Variants in ZNF511 observed in about 807,000 individuals in gnomAD.
ZNF511 encodes the protein zinc finger protein 511.
Under a neutral mutation model 24.8 loss-of-function variants are expected in ZNF511, and 26 were observed. The observed-to-expected ratio is 1.05, with a 90% CI of 0.77 to 1.46. The LOEUF (loss-of-function observed/expected upper bound fraction) is 1.46. ZNF511 is among the 40% of genes most tolerant of loss of function. The probability of loss-of-function intolerance (pLI) is 0.00; values close to 1 mark genes in which losing one functional copy is unlikely to be tolerated. For synonymous variants in ZNF511, 144 were observed against 139.6 expected, an observed-to-expected ratio of 1.03 and a Z score of -0.22; for missense variants, 358 against 345.0, an observed-to-expected ratio of 1.04 and a Z score of -0.30.
Position 133,312,040 on chromosome 10 carries a change from T to G in ZNF511, c.680+199T>G, listed in dbSNP as rs949802959. ...ACTTAGTTTCTCTCGCATACTCTGTTTTTGAGCCATTGAAGCGCAGGAATG... is the reference window on the plus strand; with the variant it reads ...ACTTAGTTTCTCTCGCATACTCTGTGTTTGAGCCATTGAAGCGCAGGAATG... On this transcript the variant is annotated intron_variant, in intron 5 of 5. Transcript: ENST00000361518. 5 of 1,504,860 alleles carry G rather than the reference T, an allele frequency of 3.3e-6. No individual in the cohort carries two copies. In the African/African-American group the frequency reaches 6.9e-5, roughly 21 times the overall value. 93.2% of individuals were successfully genotyped at this position (1,504,860 alleles called of 1,614,324 possible).
chr10:133,309,598 C>A, intron 2 of ZNF511, 135 bp downstream of exon 2: 2 of 1,263,582 alleles, frequency 1.6e-6, no homozygotes, highest in Non-Finnish European at 2.2e-6. Flanking sequence ...CCAGCTTTGG[C>A]GTGGCCGACT....
chr10:133,309,753 C>T (rs375506916), intron 2 of ZNF511, 23 bp from the exon 3 acceptor site: 31 of 1,611,640 alleles, frequency 1.9e-5, no homozygotes, highest in Non-Finnish European at 2.6e-5. Flanking sequence ...AGGAAGGGCT[C>T]CTGAAGCACG....
Position 133,313,139 on chromosome 10 carries a change from A to G in ZNF511, c.*273A>G. 1.5e-6 allele frequency: 1 copy of G among 647,994 alleles called. No homozygotes were observed. Among genetic ancestry groups the G allele is most frequent in the Non-Finnish European group, 2.4e-6 (1 of 423,658 alleles). 40.1% of individuals were successfully genotyped at this position (647,994 alleles called of 1,614,324 possible). A position where few individuals can be genotyped will look rare whatever the true frequency, so the allele number is the denominator to read the frequency against. ...ACCCTAAGAATGTATTTTTAAACAC[A>G]TGAAATAAGTATTTTTCACTGATGG... On this transcript the variant is annotated 3_prime_UTR_variant, in exon 6 of 6. Transcript: ENST00000361518.
intron 5 of ZNF511, 177 bp downstream of exon 5, chr10:133,312,018 T>G (rs1353566934): frequency 6.4e-7 from 1 of 1,569,050 alleles, no homozygotes; most frequent in Admixed American, 1.9e-5. Flanking sequence ...GTGAATAACT[T>G]AGTTTCTCTC....
chr10:133,309,527 T>C, intron 2 of ZNF511, 64 bp downstream of exon 2: 1 of 1,538,854 alleles, frequency 6.5e-7, no homozygotes, highest in South Asian at 1.2e-5. Flanking sequence ...CGGTGCCTGG[T>C]CCCTGGGGCT....
rs758401017 is a variant in ZNF511, at chr10:133,309,765, C to T, written c.228-11C>T. 1.9e-6 allele frequency: 3 copies of T among 1,612,486 alleles called. No homozygotes were observed. Among genetic ancestry groups the T allele is most frequent in the Admixed American group, 3.3e-5 (2 of 60,030 alleles). On this transcript the variant is annotated splice_polypyrimidine_tract_variant and intron_variant, in intron 2 of 5. Transcript: ENST00000361518. ...CGGAGGAAGGGCTCCTGAAGCACGT[C>T]TCCTTGGCAGGGTGCCCGCGTTTGC...
Position 133,313,072 on chromosome 10 carries a change from T to G in ZNF511, c.*206T>G. ...TTTGGAAACGACCTGGACACACTAT[T>G]GGGAAGGAGATGTGGACGGCCTGTC... On this transcript the variant is annotated 3_prime_UTR_variant, in exon 6 of 6. Transcript: ENST00000361518. 7.4e-7 allele frequency: 1 copy of G among 1,359,888 alleles called. No individual in the cohort carries two copies. Among genetic ancestry groups the G allele is most frequent in the East Asian group, 2.6e-5 (1 of 38,674 alleles). 84.2% of individuals were successfully genotyped at this position (1,359,888 alleles called of 1,614,324 possible). A position where few individuals can be genotyped will look rare whatever the true frequency, so the allele number is the denominator to read the frequency against.
rs551715566 is a variant in ZNF511, at chr10:133,311,925, T to G, written c.680+84T>G. On this transcript the variant is annotated intron_variant, in intron 5 of 5. Transcript: ENST00000361518. ...CTGGGCTGCACCTGGGCCGCAGCTC[T>G]TCTCATACTGAATTCAGAAAGGTAA... is the stretch of plus-strand genomic sequence containing the variant. 1.6e-5 allele frequency: 26 copies of G among 1,613,154 alleles called. No individual in the cohort carries two copies. The East Asian group carries it at 5.3e-4, about 33-fold the overall frequency.
Position 133,312,990 on chromosome 10 carries a change from G to C in ZNF511, c.*124G>C, listed in dbSNP as rs1848025940. On this transcript the variant is annotated 3_prime_UTR_variant, in exon 6 of 6. Transcript: ENST00000361518. ...GGCCCTCGCCATCCTCCCCATCCTT[G>C]TTCCTCAGCAAATGGCATTAGCAGC... 2.0e-6 allele frequency: 3 copies of C among 1,536,088 alleles called. No individual in the cohort carries two copies. In the Admixed American group the frequency reaches 6.1e-5, roughly 31 times the overall value.
At position 133,309,990 on chromosome 10, in the gene ZNF511, T is replaced by G; in HGVS notation, c.429+13T>G. On this transcript the variant is annotated intron_variant, in intron 3 of 5. Transcript: ENST00000361518. ...GAGGCAGGACATGGTGGGTGACAACTGCACAGCCGCCGAGGCCACCCCCCA... is the reference window on the plus strand; with the variant it reads ...GAGGCAGGACATGGTGGGTGACAACGGCACAGCCGCCGAGGCCACCCCCCA... 1.2e-6 allele frequency: 2 copies of G among 1,612,174 alleles called. No homozygotes were observed. Among genetic ancestry groups the G allele is most frequent in the Non-Finnish European group, 1.7e-6 (2 of 1,179,734 alleles).
At chr10:133,310,501 C>T in intron 4 of ZNF511, 2 of 603,046 alleles carry the variant, frequency 3.3e-6, no homozygotes, top group Non-Finnish European at 5.7e-6. Flanking sequence ...GAGCCCCTGG[C>T]TGCCCAGCTC....
chr10:133,312,000 C>A, intron 5 of ZNF511, 159 bp downstream of exon 5: 1 of 1,598,226 alleles, frequency 6.3e-7, no homozygotes, highest in Non-Finnish European at 8.5e-7. Context: ...CCAGATATCT[C>A]AGGTCCTGTG....
chr10:133,309,062 C>T lies in ZNF511; in HGVS notation c.119C>T (p.Pro40Leu). 1 of 1,293,202 alleles carries T rather than the reference C, an allele frequency of 7.7e-7. No individual in the cohort carries two copies. Among genetic ancestry groups the T allele is most frequent in the South Asian group, 3.0e-5 (1 of 33,602 alleles). The allele number at this position is 1,293,202 out of a possible 1,614,324, so 80.1% of individuals were successfully genotyped here. Reference protein sequence around the residue: ...GAAPFRFVARPVRFPREHQFF... With the variant: ...GAAPFRFVARLVRFPREHQFF... ...GCGCCCTTTCGCTTCGTTGCGCGCC[C>T]CGTGCGCTTCCCGCGGGAGCACCAG... Residue 40 changes from proline (P) to leucine (L), a missense_variant, in exon 1 of 6, where the codon CCC becomes CTC. Pro to Leu is a moderately conservative substitution (Grantham distance 98). Coordinates refer to ENST00000361518, the MANE Select transcript of ZNF511 (RefSeq NM_145806.4).
chr10:133,310,119 G>C (rs1291297290), intron 3 of ZNF511, 45 bp from the exon 4 acceptor site: 1 of 1,612,446 alleles, frequency 6.2e-7, no homozygotes, highest in South Asian at 1.1e-5. Flanking sequence ...ATGGCGGTGG[G>C]GGAGGGCCAG....
intron 5 of ZNF511, 54 bp from the exon 6 acceptor site, chr10:133,312,734 C>T (rs1848018845): frequency 1.2e-6 from 2 of 1,613,396 alleles, no homozygotes; most frequent in South Asian, 2.2e-5. Flanking sequence ...CTGTTATGAC[C>T]TGGGTTGTTG....
chr10:133,310,094 C>G lies in ZNF511; in HGVS notation c.430-70C>G, dbSNP rs1020483164. 36 of 1,611,142 alleles carry G rather than the reference C, an allele frequency of 2.2e-5. No homozygotes were observed. In the African/African-American group the frequency reaches 4.1e-4, roughly 19 times the overall value. On this transcript the variant is annotated intron_variant, in intron 3 of 5. Coordinates refer to ENST00000361518, the MANE Select transcript of ZNF511 (RefSeq NM_145806.4). ...GGGGACACCTTTCCGCCCTTGGCAG[C>G]TCTGCTACGGGGGCATGGCGGTGGG...
rs181536358 is a variant in ZNF511, at chr10:133,311,511, T to A, written c.555-205T>A. On this transcript the variant is annotated intron_variant, in intron 4 of 5. Transcript: ENST00000361518. ...ACAGTTAAGTTTATAAGATGCAGAC[T>A]CTATTATATAAACAATGGCCTTGCT... The A allele has an allele frequency of 9.4e-6, 5 of 534,436 alleles. No individual in the cohort carries two copies. In the Admixed American group the frequency reaches 1.8e-4, roughly 19 times the overall value. 33.1% of individuals were successfully genotyped at this position (534,436 alleles called of 1,614,324 possible).
rs368439360 is a variant in ZNF511, at chr10:133,309,377, A to G, written c.154-13A>G. On this transcript the variant is annotated splice_polypyrimidine_tract_variant and intron_variant, in intron 1 of 5. Coordinates refer to ENST00000361518, the MANE Select transcript of ZNF511 (RefSeq NM_145806.4). ...AGTCACCTGGCCCCGCCCACGGCGC[A>G]CTTTTCCTGCAGGATGGGGACGTGC... 1.5e-5 allele frequency: 24 copies of G among 1,609,892 alleles called. No individual in the cohort carries two copies. In the African/African-American group the frequency reaches 2.1e-4, roughly 14 times the overall value.
In ZNF511 at chr10:133,309,423, G is replaced by A. The variant is rs752611124; in HGVS notation, c.187G>A (p.Asp63Asn). The A allele has an allele frequency of 8.7e-6, 14 of 1,612,550 alleles. No homozygotes were observed. Among genetic ancestry groups the A allele is most frequent in the Middle Eastern group, 1.7e-4 (1 of 6,028 alleles). ...CGTGCAGCGCCACCTCTACCTCCAG[G>A]ACGTGATCATGCAGGTGGCCGACGT... Reference protein sequence around the residue: ...GDVQRHLYLQDVIMQVADVPE... With the variant: ...GDVQRHLYLQNVIMQVADVPE... The change falls in exon 2 of 6, where the codon GAC (aspartate) becomes AAC (asparagine). Residue 63 changes from aspartate (D) to asparagine (N), a missense_variant. By Grantham distance (23) the Asp-to-Asn change is conservative. Transcript: ENST00000361518.
Sources: gnomAD v4.1 joint callset for allele counts on GRCh38, gnomAD v4.1.1 for gene constraint, MANE v1.5 for transcripts, NCBI Gene and HGNC (gene_info 2026-07-23, HGNC 2026-07-21) for gene names.